SCAPER: variants seen among roughly 807,000 people sequenced by gnomAD.
SCAPER encodes S phase cyclin A-associated protein in the endoplasmic reticulum.
Under a neutral mutation model 182.2 loss-of-function variants are expected in SCAPER, and 98 were observed. The ratio of observed to expected loss-of-function variants is 0.54; its 90% CI spans 0.46 to 0.64. The LOEUF is 0.64. Ranked by LOEUF, SCAPER falls within the 30% of genes least tolerant of loss-of-function variation. The probability of loss-of-function intolerance (pLI) is 0.00; values close to 1 mark genes in which losing one functional copy is unlikely to be tolerated. For missense variants in SCAPER, 1,432 were observed against 1,690.0 expected, an observed-to-expected ratio of 0.85 and a Z score of 2.68; for synonymous variants, 605 against 564.6, an observed-to-expected ratio of 1.07 and a Z score of -1.01.
chr15:76,428,693 TTAAA>T (rs1374558205), intron 26 of SCAPER, among the ~76,000 whole-genome samples: 2 of 151,362 alleles, frequency 1.3e-5, no homozygotes, highest in African/African-American at 4.9e-5. Flanking sequence ...AAGGCTACAA[TTAAA>T]TAGGAGGAAT....
intron 22 of SCAPER, among the ~76,000 whole-genome samples, chr15:76,605,620 C>T (rs1160831437): frequency 1.3e-5 from 2 of 152,308 alleles, no homozygotes; most frequent in East Asian, 3.9e-4. Context: ...CTTTGTACCT[C>T]TGGTAGAATT....
At chr15:76,620,441 A>C (rs1301688735) in intron 22 of SCAPER, among the ~76,000 whole-genome samples, 1 of 152,170 alleles carries the variant, frequency 6.6e-6, no homozygotes, top group Non-Finnish European at 1.5e-5. Context: ...AGTATTTGTG[A>C]TATACAGCAT....
At position 76,749,843 on chromosome 15, in the gene SCAPER, T is replaced by C. The variant is rs561010900; in HGVS notation, c.1866+3965A>G. Reference sequence around the variant, plus strand: ...AATGCAAACCCAATTTAAACCCAGATAGGCTTTAAAAAATATTTTTGTAGA... The same window carrying C: ...AATGCAAACCCAATTTAAACCCAGACAGGCTTTAAAAAATATTTTTGTAGA... On this transcript the variant is annotated intron_variant, in intron 15 of 31. Coordinates refer to ENST00000563290, the MANE Select transcript of SCAPER (RefSeq NM_020843.4). Among the ~76,000 whole-genome samples the C allele has an allele frequency of 2.0e-5, 3 of 152,082 alleles. No individual in the cohort carries two copies. The South Asian group carries it at 6.2e-4, about 31-fold the overall frequency.
At chr15:76,791,855 CA>C (rs1263308405) in intron 8 of SCAPER, among the ~76,000 whole-genome samples, 4 of 151,950 alleles carry the variant, frequency 2.6e-5, no homozygotes, top group Non-Finnish European at 5.9e-5. Context: ...CTAATTAAAA[CA>C]CATCAAACTT....
chr15:76,506,334 A>G (rs1431380630), intron 23 of SCAPER, among the ~76,000 whole-genome samples: 1 of 152,180 alleles, frequency 6.6e-6, no homozygotes, highest in Non-Finnish European at 1.5e-5. Context: ...GTGATTATTA[A>G]GCATTGTATG....
At chr15:76,898,362 A>C (rs1321044243) in intron 1 of SCAPER, among the ~76,000 whole-genome samples, 1 of 152,222 alleles carries the variant, frequency 6.6e-6, no homozygotes, top group Non-Finnish European at 1.5e-5. Context: ...AGTAAAAGAT[A>C]AGTCACTATA....
intron 17 of SCAPER, among the ~76,000 whole-genome samples, chr15:76,725,417 T>TAAA (rs34802988): frequency 7.9e-4 from 115 of 145,060 alleles, no homozygotes; most frequent in Middle Eastern, 3.6e-3. Flanking sequence ...GTGTATACAT[T>TAAA]AAAAAAAAAA....
intron 25 of SCAPER, among the ~76,000 whole-genome samples, chr15:76,435,216 G>A (rs2047119828): frequency 6.6e-6 from 1 of 152,182 alleles, no homozygotes; most frequent in Non-Finnish European, 1.5e-5. Flanking sequence ...TGGAAAGAGA[G>A]AAAGAATCAG....
rs562348671 is a variant in SCAPER at position 76,437,234 on chromosome 15, C to A, written c.3079-2924G>T. ...AATTCCCCTCTTTGCAGCCCCCGTGCACCCTCATTTTCTGAGATAGCCAGT... is the reference window on the plus strand; with the variant it reads ...AATTCCCCTCTTTGCAGCCCCCGTGAACCCTCATTTTCTGAGATAGCCAGT... On this transcript the variant is annotated intron_variant, in intron 25 of 31. Transcript: ENST00000563290. 1.2e-4 allele frequency among the ~76,000 whole-genome samples: 19 copies of A among 152,274 alleles called. No individual in the cohort carries two copies. The South Asian group carries it at 3.7e-3, about 30-fold the overall frequency.
At chr15:76,844,772 A>G (rs538583886) in intron 4 of SCAPER, among the ~76,000 whole-genome samples, 4 of 152,176 alleles carry the variant, frequency 2.6e-5, no homozygotes, top group African/African-American at 9.7e-5. Flanking sequence ...TCACTGCTAA[A>G]TTTTACCAAA....
At chr15:76,868,040 T>TA (rs574101774) in intron 2 of SCAPER, among the ~76,000 whole-genome samples, 138 of 147,284 alleles carry the variant, frequency 9.4e-4, no homozygotes, top group Admixed American at 1.4e-3. Flanking sequence ...AGTCATAAGA[T>TA]AAAAAAAAAA....
At position 76,644,884 on chromosome 15, in the gene SCAPER, T is replaced by C. The variant is rs150655120; in HGVS notation, c.2645+20769A>G. 1.1e-3 allele frequency among the ~76,000 whole-genome samples: 162 copies of C among 152,172 alleles called. 1 individual carries two copies. Among genetic ancestry groups the C allele is most frequent in the Middle Eastern group, 3.4e-3 (1 of 294 alleles). Reference sequence around the variant, plus strand: ...ACATACTCATGCTTCTGTTTTCTTTTAGTCTTTTTCTCTGTGCACAATGTG... The same window carrying C: ...ACATACTCATGCTTCTGTTTTCTTTCAGTCTTTTTCTCTGTGCACAATGTG... On this transcript the variant is annotated intron_variant, in intron 21 of 31. Coordinates refer to ENST00000563290, the MANE Select transcript of SCAPER (RefSeq NM_020843.4).
At chr15:76,882,416 A>T (rs1568400853) in intron 2 of SCAPER, among the ~76,000 whole-genome samples, 1 of 151,840 alleles carries the variant, frequency 6.6e-6, no homozygotes, top group African/African-American at 2.4e-5. Flanking sequence ...AGATATTAAG[A>T]GAAAAAAAAT....
intron 23 of SCAPER, among the ~76,000 whole-genome samples, chr15:76,569,221 C>G (rs568492414): frequency 6.6e-6 from 1 of 152,034 alleles, no homozygotes; most frequent in African/African-American, 2.4e-5. Context: ...TAAGGAAATT[C>G]CATTCTATTC....
At chr15:76,900,987 G>A (rs939928616) in intron 1 of SCAPER, among the ~76,000 whole-genome samples, 3 of 152,158 alleles carry the variant, frequency 2.0e-5, no homozygotes, top group African/African-American at 7.2e-5. Context: ...TTCTGAGTCT[G>A]ATACTTTAAT....
chr15:76,464,973 A>G (rs1470543037), intron 25 of SCAPER, among the ~76,000 whole-genome samples: 2 of 152,070 alleles, frequency 1.3e-5, no homozygotes, highest in African/African-American at 4.8e-5. Flanking sequence ...TTGCATTTTC[A>G]CAGTGATTAG....
At chr15:76,811,806 A>T (rs1177707540) in intron 5 of SCAPER, among the ~76,000 whole-genome samples, 1 of 151,598 alleles carries the variant, frequency 6.6e-6, no homozygotes, top group Non-Finnish European at 1.5e-5. Context: ...AAAAAATAAA[A>T]AAATAAAAAA....
At chr15:76,673,982 CA>C (rs1157238500) in intron 20 of SCAPER, among the ~76,000 whole-genome samples, 18 of 143,260 alleles carry the variant, frequency 1.3e-4, no homozygotes, top group Non-Finnish European at 2.5e-4. Context: ...CACACACACA[CA>C]CACACACCCC....
intron 23 of SCAPER, among the ~76,000 whole-genome samples, chr15:76,511,681 T>G (rs1349148771): frequency 6.6e-6 from 1 of 152,100 alleles, no homozygotes; most frequent in African/African-American, 2.4e-5. Flanking sequence ...TTTTCATCTT[T>G]GTATCTCCAC....
Sources: gnomAD v4.1 joint callset for allele counts (sites outside exome capture counted in the v4.1 genomes callset) on GRCh38, gnomAD v4.1.1 for gene constraint, MANE v1.5 for transcripts, NCBI Gene and HGNC (gene_info 2026-07-23, HGNC 2026-07-21) for gene names.